The following ANKRD12 variants were observed in gnomAD, a reference collection of about 807,000 sequenced individuals.
ANKRD12 encodes the protein ankyrin repeat domain 12.
In ANKRD12, 85 loss-of-function variants were observed where a neutral mutation model predicts 183.4. The ratio of observed to expected loss-of-function variants is 0.46; its 90% CI spans 0.39 to 0.56. The LOEUF is 0.56. Among genes scored for constraint, ANKRD12 ranks in the 20% least tolerant of loss-of-function variants. ANKRD12 has a pLI of 0.00. For synonymous variants in ANKRD12, 914 were observed against 800.2 expected (o/e 1.14, Z -2.40); for missense variants, 2,405 against 2,357.1 (o/e 1.02, Z -0.42).
At chr18:9,193,155 G>A (rs879429563) in intron 2 of ANKRD12, among the ~76,000 whole-genome samples, 1 of 53,858 alleles carries the variant, frequency 1.9e-5, no homozygotes, top group Non-Finnish European at 3.8e-5. Context: ...TTTTTTTTTT[G>A]GATACAGGAT....
chr18:9,208,414 T>C (rs2035601973), intron 4 of ANKRD12, among the ~76,000 whole-genome samples: 1 of 152,134 alleles, frequency 6.6e-6, no homozygotes. Flanking sequence ...AGTAATAAAT[T>C]TCCCAAGTAT....
intron 8 of ANKRD12, among the ~76,000 whole-genome samples, chr18:9,248,561 C>G (rs1399022430): frequency 6.6e-6 from 1 of 152,118 alleles, no homozygotes; most frequent in African/African-American, 2.4e-5. Flanking sequence ...CCTCCTTTAT[C>G]TTAATTGTAT....
chr18:9,263,041 C>A (rs866341651), intron 9 of ANKRD12, among the ~76,000 whole-genome samples: 3 of 152,070 alleles, frequency 2.0e-5, no homozygotes, highest in African/African-American at 4.8e-5. Context: ...CGTGATCCAC[C>A]CATCTTGGCC....
intron 3 of ANKRD12, among the ~76,000 whole-genome samples, chr18:9,201,484 G>T (rs1336659439): frequency 6.6e-6 from 1 of 152,266 alleles, no homozygotes; most frequent in African/African-American, 2.4e-5. Context: ...TGTGATGTTT[G>T]TCATACCCTG....
At position 9,254,283 on chromosome 18, in the gene ANKRD12, C is replaced by G. The variant is rs773550646; in HGVS notation, c.1016C>G (p.Ser339Cys). 1.8e-5 allele frequency: 29 copies of G among 1,611,316 alleles called. No individual in the cohort carries two copies. The highest frequency in any genetic ancestry group is 2.4e-5 in the Non-Finnish European group (28 of 1,179,024). The change falls in exon 9 of 13, where the codon TCT (serine) becomes TGT (cysteine). Residue 339 changes from serine (S) to cysteine (C), a missense_variant. Physicochemically the swap from Ser to Cys is moderately radical, Grantham distance 112. Transcript: ENST00000262126. ...ATTGACTCTGAAACAGAGAAAGACT[C>G]TCTCATCTGTGAAAGTAAACAGATA... ...ENIDSETEKD[S>C]LICESKQILP...
At chr18:9,151,076 T>TGG (rs955355745) in intron 1 of ANKRD12, among the ~76,000 whole-genome samples, 2 of 152,180 alleles carry the variant, frequency 1.3e-5, no homozygotes, top group Admixed American at 1.3e-4. Context: ...AACTATTACT[T>TGG]TAGGAAAATA....
At chr18:9,184,555 G>A in intron 2 of ANKRD12, among the ~76,000 whole-genome samples, 1 of 152,114 alleles carries the variant, frequency 6.6e-6, no homozygotes, top group East Asian at 1.9e-4. Flanking sequence ...ACTATGCCCA[G>A]AGATAGGGTT....
At chr18:9,203,905 A>G (rs1389090230) in intron 3 of ANKRD12, among the ~76,000 whole-genome samples, 1 of 152,172 alleles carries the variant, frequency 6.6e-6, no homozygotes, top group Non-Finnish European at 1.5e-5. Context: ...GTGCCCGGCC[A>G]GAATTCCATG....
chr18:9,255,187 G>GA lies in ANKRD12; in HGVS notation c.1927dup (p.Met643AsnfsTer3). 3 of 1,570,910 alleles carry GA rather than the reference G, an allele frequency of 1.9e-6. No homozygotes were observed. The highest frequency in any genetic ancestry group is 2.0e-5 in the Admixed American group (1 of 50,126). On this transcript the variant is annotated frameshift_variant, in exon 9 of 13. Transcript: ENST00000262126. LOFTEE classifies it high-confidence loss of function. Reference sequence around the variant, plus strand: ...CATTTGAAAATTCAGATTGCACACTGAAAAAAATGGATAAAGAAGGTAAAA... The same window carrying GA: ...CATTTGAAAATTCAGATTGCACACTGAAAAAAAATGGATAAAGAAGGTAAAA...
chr18:9,191,788 A>G (rs1207533119), intron 2 of ANKRD12, among the ~76,000 whole-genome samples: 1 of 152,098 alleles, frequency 6.6e-6, no homozygotes, highest in Non-Finnish European at 1.5e-5. Context: ...TCTAGACCCC[A>G]CATCCAAACC....
chr18:9,262,786 CCTTTTTTTTTT>C (rs1450628587), intron 9 of ANKRD12, among the ~76,000 whole-genome samples: 7 of 87,940 alleles, frequency 8.0e-5, no homozygotes, highest in African/African-American at 1.2e-4. Context: ...CCAAGATGTC[CCTTTTTTTTTT>C]TTTTTTTTTT....
At position 9,223,399 on chromosome 18, in the gene ANKRD12, G is replaced by A. The variant is rs182405243; in HGVS notation, c.943+1400G>A. ...CTCCCCCGAGTAGCTGGGACTACAG[G>A]CGCATGCCACCATGCCGGCTAATAT... On this transcript the variant is annotated intron_variant, in intron 8 of 12. Transcript: ENST00000262126. Among the ~76,000 whole-genome samples the A allele has an allele frequency of 2.4e-3, 363 of 151,924 alleles. 10 individuals carry two copies. The highest frequency in any genetic ancestry group is 0.022 in the Admixed American group (338 of 15,280).
At position 9,281,236 on chromosome 18, in the gene ANKRD12, G is replaced by A; in HGVS notation, c.*110G>A. ...TCATGCCTTTACAATTGTTAGTAAA[G>A]TTCGATTATAGTTGGTTATGTAGTA... is the stretch of plus-strand genomic sequence containing the variant. On this transcript the variant is annotated 3_prime_UTR_variant, in exon 13 of 13. Transcript: ENST00000262126. The A allele has an allele frequency of 3.3e-6, 3 of 900,938 alleles. No homozygotes were observed. Among genetic ancestry groups the A allele is most frequent in the Non-Finnish European group, 5.0e-6 (3 of 601,222 alleles). The allele number at this position is 900,938 out of a possible 1,614,324, so 55.8% of individuals were successfully genotyped here.
At chr18:9,224,604 A>G (rs964865546) in intron 8 of ANKRD12, among the ~76,000 whole-genome samples, 2 of 152,230 alleles carry the variant, frequency 1.3e-5, no homozygotes, top group East Asian at 1.9e-4. Context: ...AGCTGGCACC[A>G]TACACTGTTG....
intron 1 of ANKRD12, among the ~76,000 whole-genome samples, chr18:9,147,263 G>A (rs987684680): frequency 6.6e-6 from 1 of 152,044 alleles, no homozygotes; most frequent in Admixed American, 6.5e-5. Flanking sequence ...TTCATTTAAG[G>A]CTAAAGTACG....
At chr18:9,268,547 A>G (rs1051404826) in intron 10 of ANKRD12, among the ~76,000 whole-genome samples, 2 of 152,210 alleles carry the variant, frequency 1.3e-5, no homozygotes, top group African/African-American at 4.8e-5. Context: ...TAGAGGCAGA[A>G]AAGGCCTTTG....
chr18:9,211,671 A>G lies in ANKRD12; in HGVS notation c.539A>G (p.Lys180Arg). The G allele has an allele frequency of 1.9e-6, 3 of 1,613,912 alleles. No homozygotes were observed. The South Asian group carries it at 3.3e-5, about 18-fold the overall frequency. The change falls in exon 6 of 13, where the codon AAA (lysine) becomes AGA (arginine). Residue 180 changes from lysine (K) to arginine (R), a missense_variant. Physicochemically the swap from Lys to Arg is conservative, Grantham distance 26. Transcript: ENST00000262126. Reference sequence around the variant, plus strand: ...TCTCGACAGAAAGATAAAGTTAATAAAAGAAATGAACGTGGTGAAACTCCT... The same window carrying G: ...TCTCGACAGAAAGATAAAGTTAATAGAAGAAATGAACGTGGTGAAACTCCT... ...SSSRQKDKVN[K>R]RNERGETPLH...
At chr18:9,236,416 CA>C (rs11333168) in intron 8 of ANKRD12, among the ~76,000 whole-genome samples, 120,618 of 152,054 alleles carry the variant, frequency 0.79, 48,029 homozygotes, top group Middle Eastern at 0.88. Flanking sequence ...TCAACAACAA[CA>C]AAAAATGGGC....
chr18:9,169,023 A>T (rs2032397281), intron 1 of ANKRD12, among the ~76,000 whole-genome samples: 1 of 151,760 alleles, frequency 6.6e-6, no homozygotes, highest in Non-Finnish European at 1.5e-5. Context: ...CATGTAGCTG[A>T]GTGGTTTTGA....
Sources: allele counts gnomAD v4.1 joint callset (sites outside exome capture counted in the v4.1 genomes callset), GRCh38; gene constraint gnomAD v4.1.1; transcripts MANE v1.5; gene names NCBI Gene and HGNC (gene_info 2026-07-23, HGNC 2026-07-21).